The following RPH3A variants were observed in gnomAD, a reference collection of about 807,000 sequenced individuals.
The protein encoded by RPH3A is rabphilin 3A, also known as rabphilin-3A.
RPH3A carries 48 observed loss-of-function variants against 102.2 expected under a neutral mutation model. That is an observed-to-expected ratio of 0.47 (90% confidence interval 0.37 to 0.60). RPH3A has a LOEUF of 0.60. RPH3A is among the 20% of genes least tolerant of loss of function. RPH3A has a pLI of 0.00. For missense variants in RPH3A, 781 were observed against 910.1 expected, an observed-to-expected ratio of 0.86 and a Z score of 1.83; for synonymous variants, 310 against 324.3, an observed-to-expected ratio of 0.96 and a Z score of 0.47.
rs1254912083 is a variant in RPH3A, at chr12:112,678,273, GAAAGAAAGAAAGAAAGAAAGAAAGAA to G, written c.-140+102956_-140+102981del. On this transcript the variant is annotated intron_variant, in intron 1 of 21. Transcript: ENST00000543106. ...AGAAAGAAAGAAAGAAAGAAAGAAA[GAAAGAAAGAAAGAAAGAAAGAAAGAA>G]AGAAAGAGAGAGAGAGAGAAAGAAA... Among the ~76,000 whole-genome samples the G allele has an allele frequency of 3.0e-3, 228 of 75,546 alleles. 9 individuals are homozygous for G. Among genetic ancestry groups the G allele is most frequent in the African/African-American group, 0.014 (211 of 15,334 alleles). The allele number at this position is 75,546 out of a possible 152,430, so 49.6% of individuals were successfully genotyped here.
intron 16 of RPH3A, among the ~76,000 whole-genome samples, chr12:112,884,521 G>T (rs1470818098): frequency 6.6e-6 from 1 of 151,962 alleles, no homozygotes; most frequent in Non-Finnish European, 1.5e-5. Context: ...ATTCCCTTTG[G>T]GTGGACATTT....
At chr12:112,698,110 A>G (rs2040365366) in intron 1 of RPH3A, among the ~76,000 whole-genome samples, 1 of 152,242 alleles carries the variant, frequency 6.6e-6, no homozygotes, top group Non-Finnish European at 1.5e-5. Context: ...AGACCCGCAC[A>G]TATTTAGTCA....
chr12:112,610,027 G>T (rs1355220706), intron 1 of RPH3A, among the ~76,000 whole-genome samples: 2 of 152,136 alleles, frequency 1.3e-5, no homozygotes, highest in Non-Finnish European at 2.9e-5. Context: ...GGAGTGATCT[G>T]ACCGTGCCCT....
chr12:112,621,007 ATTATTTT>A (rs1264272539), intron 1 of RPH3A, among the ~76,000 whole-genome samples: 1 of 141,970 alleles, frequency 7.0e-6, no homozygotes, highest in Non-Finnish European at 1.5e-5. Flanking sequence ...TTTTAACATT[ATTATTTT>A]TTTTTTTTTG....
At chr12:112,862,033 A>G (rs904726925) in intron 5 of RPH3A, among the ~76,000 whole-genome samples, 20 of 140,284 alleles carry the variant, frequency 1.4e-4, no homozygotes, top group African/African-American at 5.4e-4. Flanking sequence ...AAAAAAAAAA[A>G]AGGATATCCC....
intron 19 of RPH3A, chr12:112,892,767 C>T (rs1007663233): frequency 1.2e-4 from 18 of 152,302 alleles, no homozygotes; most frequent in African/African-American, 4.3e-4. Context: ...CCATCACTGT[C>T]CTTACTCATG....
chr12:112,798,848 CCTTT>C (rs1243095545), intron 2 of RPH3A, among the ~76,000 whole-genome samples: 3 of 152,078 alleles, frequency 2.0e-5, no homozygotes, highest in Non-Finnish European at 4.4e-5. Flanking sequence ...TCCCTCTCTC[CCTTT>C]CTCTCTCCTC....
intron 1 of RPH3A, among the ~76,000 whole-genome samples, chr12:112,597,305 A>G (rs1243127921): frequency 2.0e-5 from 3 of 152,196 alleles, no homozygotes; most frequent in Non-Finnish European, 2.9e-5. Flanking sequence ...AAAAGAGGCC[A>G]GTTGCATTGG....
intron 1 of RPH3A, among the ~76,000 whole-genome samples, chr12:112,777,763 A>G (rs964424770): frequency 2.0e-5 from 3 of 152,246 alleles, no homozygotes; most frequent in Non-Finnish European, 4.4e-5. Context: ...GGCTTGAGTC[A>G]GAAATGCAGC....
At chr12:112,577,054 T>A (rs1381677924) in intron 1 of RPH3A, among the ~76,000 whole-genome samples, 1 of 151,998 alleles carries the variant, frequency 6.6e-6, no homozygotes, top group Admixed American at 6.6e-5. Flanking sequence ...CACAGGCATG[T>A]GCCACTGTTA....
In RPH3A at chr12:112,889,906, A is replaced by G. The variant is rs1335222474; in HGVS notation, c.1564-118A>G. The stretch of plus-strand genomic sequence containing the variant: ...AATGCAGGAGAGCCACAGTAGCTTA[A>G]GAACCCACTTTCATGGCTCTGGATG... On this transcript the variant is annotated intron_variant, in intron 17 of 21. Transcript: ENST00000389385. 9 of 904,402 alleles carry G rather than the reference A, an allele frequency of 1.0e-5. No individual in the cohort carries two copies. The East Asian group carries it at 1.9e-4, about 20-fold the overall frequency. 56.0% of individuals were successfully genotyped at this position (904,402 alleles called of 1,614,324 possible). A position where few individuals can be genotyped will look rare whatever the true frequency, so the allele number is the denominator to read the frequency against.
At chr12:112,619,029 G>T (rs1263578937) in intron 1 of RPH3A, among the ~76,000 whole-genome samples, 4 of 152,186 alleles carry the variant, frequency 2.6e-5, no homozygotes, top group Non-Finnish European at 5.9e-5. Flanking sequence ...GCATGAATCG[G>T]TGCTTCCTTC....
chr12:112,605,595 TC>T (rs757272564), intron 1 of RPH3A, among the ~76,000 whole-genome samples: 6 of 152,214 alleles, frequency 3.9e-5, no homozygotes, highest in African/African-American at 7.2e-5. Context: ...AATGGAGCAC[TC>T]TTTGCCCTTG....
Position 112,896,821 on chromosome 12 carries a change from C to CA in RPH3A, c.*41_*42insA. On this transcript the variant is annotated 3_prime_UTR_variant, in exon 22 of 22. Coordinates refer to ENST00000389385, the MANE Select transcript of RPH3A (RefSeq NM_001143854.2). ...CCCATCTCCATGTCCCGGGTCCCCCCCAGCCTGCTCTAGCTGCCCACCGCA... is the reference window on the plus strand; with the variant it reads ...CCCATCTCCATGTCCCGGGTCCCCCCACAGCCTGCTCTAGCTGCCCACCGCA... 1 of 1,610,762 alleles carries CA rather than the reference C, an allele frequency of 6.2e-7. No individual in the cohort carries two copies. Among genetic ancestry groups the CA allele is most frequent in the Non-Finnish European group, 8.5e-7 (1 of 1,178,460 alleles).
At chr12:112,774,179 T>C (rs1219416365) in intron 1 of RPH3A, among the ~76,000 whole-genome samples, 2 of 151,774 alleles carry the variant, frequency 1.3e-5, no homozygotes, top group Non-Finnish European at 2.9e-5. Flanking sequence ...ATAATAAATA[T>C]ACACACACAG....
chr12:112,802,734 C>T (rs2041378868), intron 2 of RPH3A, among the ~76,000 whole-genome samples: 1 of 151,932 alleles, frequency 6.6e-6, no homozygotes, highest in Non-Finnish European at 1.5e-5. Flanking sequence ...GACCCTGCTC[C>T]CATCTGGAGT....
chr12:112,878,395 A>G (rs917250512), intron 13 of RPH3A, among the ~76,000 whole-genome samples: 3 of 152,070 alleles, frequency 2.0e-5, no homozygotes, highest in African/African-American at 7.2e-5. Flanking sequence ...TACTCTTCAC[A>G]CACTCACTCA....
At chr12:112,744,859 A>C (rs1008014968) in intron 1 of RPH3A, among the ~76,000 whole-genome samples, 2 of 152,354 alleles carry the variant, frequency 1.3e-5, no homozygotes, top group East Asian at 1.9e-4. Flanking sequence ...ACCTCTAAAC[A>C]TCTCAAGCAT....
chr12:112,755,043 T>A (rs1340657816), intron 1 of RPH3A, among the ~76,000 whole-genome samples: 1 of 152,204 alleles, frequency 6.6e-6, no homozygotes, highest in Admixed American at 6.5e-5. Context: ...GACAACTTTA[T>A]CCCCAACACC....
Sources: allele counts gnomAD v4.1 joint callset (sites outside exome capture counted in the v4.1 genomes callset), GRCh38; gene constraint gnomAD v4.1.1; transcripts MANE v1.5; gene names NCBI Gene and HGNC (gene_info 2026-07-23, HGNC 2026-07-21).